The following GGACT variants were observed in gnomAD, a reference collection of about 807,000 sequenced individuals.
The protein encoded by GGACT is gamma-glutamylamine cyclotransferase.
For missense variants in GGACT, 241 were observed against 233.2 expected (o/e 1.03, Z -0.22); for synonymous variants, 118 against 115.3 (o/e 1.02, Z -0.15).
At chr13:100,539,805 T>C (rs2088532913) in intron 2 of GGACT, 1 of 700,440 alleles carries the variant, frequency 1.4e-6, no homozygotes, top group South Asian at 1.7e-5. Flanking sequence ...TGAAGCCATC[T>C]GGTCCTGGGC....
At position 100,572,615 on chromosome 13, in the gene GGACT, G is replaced by C. The variant is rs183183070; in HGVS notation, c.-11+11210C>G. 1.9e-4 allele frequency among the ~76,000 whole-genome samples: 29 copies of C among 152,288 alleles called. 1 individual carries two copies. The East Asian group carries it at 5.6e-3, about 29-fold the overall frequency. On this transcript the variant is annotated intron_variant, in intron 2 of 2. Coordinates refer to ENST00000683975, the MANE Select transcript of GGACT (RefSeq NM_001195087.2). Reference sequence around the variant, plus strand: ...ATGTTGCCCAGGCTGGGGTGCAGTGGCTATTCACAGGTGTGATCATAGTGC... The same window carrying C: ...ATGTTGCCCAGGCTGGGGTGCAGTGCCTATTCACAGGTGTGATCATAGTGC...
At chr13:100,554,968 C>T (rs571946973) in intron 2 of GGACT, among the ~76,000 whole-genome samples, 17 of 152,214 alleles carry the variant, frequency 1.1e-4, no homozygotes, top group African/African-American at 3.1e-4. Context: ...TGGAAAAATT[C>T]CTCAAAAGGT....
chr13:100,548,823 G>A lies in GGACT; in HGVS notation c.-10-16222C>T, dbSNP rs566371062. On this transcript the variant is annotated intron_variant, in intron 2 of 2. Coordinates refer to ENST00000683975, the MANE Select transcript of GGACT (RefSeq NM_001195087.2). Reference sequence around the variant, plus strand: ...GCCAAGCAAGGCAAAGCCACAACAGGGTGGGATAGACTGCAGGCACATCCA... The same window carrying A: ...GCCAAGCAAGGCAAAGCCACAACAGAGTGGGATAGACTGCAGGCACATCCA... Among the ~76,000 whole-genome samples, 11 of 152,378 alleles carry A rather than the reference G, an allele frequency of 7.2e-5. No individual in the cohort carries two copies. The South Asian group carries it at 2.3e-3, about 32-fold the overall frequency.
chr13:100,569,111 C>T (rs994111036), intron 2 of GGACT, among the ~76,000 whole-genome samples: 4 of 152,222 alleles, frequency 2.6e-5, no homozygotes, highest in Admixed American at 6.5e-5. Flanking sequence ...TTTCCAGGTG[C>T]ACGGTGCAAG....
At chr13:100,541,731 T>C (rs1372939545) in intron 2 of GGACT, 1 of 152,212 alleles carries the variant, frequency 6.6e-6, no homozygotes, top group African/African-American at 2.4e-5. Context: ...AGAAGGTTAA[T>C]TCCAACTCTG....
intron 2 of GGACT, among the ~76,000 whole-genome samples, chr13:100,560,578 C>A (rs769235056): frequency 1.8e-4 from 28 of 152,230 alleles, no homozygotes; most frequent in Non-Finnish European, 3.5e-4. Flanking sequence ...CCCTCCCAGG[C>A]CCTGAGGGCT....
chr13:100,577,187 C>T (rs140482382), intron 2 of GGACT, among the ~76,000 whole-genome samples: 87 of 152,032 alleles, frequency 5.7e-4, no homozygotes, highest in African/African-American at 1.7e-3. Flanking sequence ...AGGCTGAGGA[C>T]GGCGGATCAT....
intron 2 of GGACT, among the ~76,000 whole-genome samples, chr13:100,573,709 CAAAT>C (rs1224422073): frequency 6.6e-6 from 1 of 151,882 alleles, no homozygotes; most frequent in Non-Finnish European, 1.5e-5. Flanking sequence ...AAGCAAAAAA[CAAAT>C]AAACCCATTA....
intron 2 of GGACT, among the ~76,000 whole-genome samples, chr13:100,564,229 T>C (rs925121897): frequency 2.6e-5 from 4 of 152,208 alleles, no homozygotes; most frequent in South Asian, 4.1e-4. Context: ...GGGAAAATCA[T>C]TGATTGTGGG....
intron 2 of GGACT, among the ~76,000 whole-genome samples, chr13:100,540,633 A>G (rs1020658286): frequency 2.6e-5 from 4 of 152,096 alleles, no homozygotes; most frequent in Non-Finnish European, 4.4e-5. Flanking sequence ...TCTCTGCTCT[A>G]ATCATTACTG....
intron 2 of GGACT, among the ~76,000 whole-genome samples, chr13:100,564,023 C>G (rs559802454): frequency 6.6e-6 from 1 of 152,284 alleles, no homozygotes. Flanking sequence ...TGTGGCCACC[C>G]TGGGCTGGAC....
intron 2 of GGACT, among the ~76,000 whole-genome samples, chr13:100,562,660 G>C (rs1248273397): frequency 6.6e-6 from 1 of 152,108 alleles, no homozygotes; most frequent in Admixed American, 6.5e-5. Flanking sequence ...GCCAGGCATG[G>C]TGGTGCATGC....
At chr13:100,557,002 G>A (rs2088714559) in intron 2 of GGACT, among the ~76,000 whole-genome samples, 1 of 152,082 alleles carries the variant, frequency 6.6e-6, no homozygotes, top group African/African-American at 2.4e-5. Context: ...CGATTCTCAT[G>A]CCTCAGCCTC....
At chr13:100,557,859 CAAG>C (rs1459325598) in intron 2 of GGACT, among the ~76,000 whole-genome samples, 1 of 152,030 alleles carries the variant, frequency 6.6e-6, no homozygotes, top group East Asian at 1.9e-4. Flanking sequence ...TCTCACACCT[CAAG>C]AAGAAGAAAA....
intron 2 of GGACT, among the ~76,000 whole-genome samples, chr13:100,562,703 C>G (rs548779598): frequency 6.6e-6 from 1 of 150,794 alleles, no homozygotes; most frequent in Non-Finnish European, 1.5e-5. Context: ...GGCTGAGGCA[C>G]GAGAATCACT....
At chr13:100,556,951 G>A (rs1310281920) in intron 2 of GGACT, among the ~76,000 whole-genome samples, 1 of 152,090 alleles carries the variant, frequency 6.6e-6, no homozygotes, top group African/African-American at 2.4e-5. Flanking sequence ...TTGGCTCACT[G>A]CAATCTTGGC....
intron 2 of GGACT, among the ~76,000 whole-genome samples, chr13:100,577,649 G>A (rs1163997054): frequency 2.6e-5 from 4 of 152,080 alleles, no homozygotes; most frequent in African/African-American, 4.8e-5. Flanking sequence ...ACAAAGGGAG[G>A]AGGGCACGTG....
chr13:100,543,047 T>C (rs973670083), intron 2 of GGACT, among the ~76,000 whole-genome samples: 1 of 152,150 alleles, frequency 6.6e-6, no homozygotes, highest in African/African-American at 2.4e-5. Flanking sequence ...TTTAAGAGTT[T>C]ATGATGATAG....
At chr13:100,575,914 G>A (rs1875234692) in intron 2 of GGACT, among the ~76,000 whole-genome samples, 1 of 152,146 alleles carries the variant, frequency 6.6e-6, no homozygotes, top group East Asian at 1.9e-4. Context: ...AGCAAACATG[G>A]CACTACTAGT....
Sources: allele counts gnomAD v4.1 joint callset (sites outside exome capture counted in the v4.1 genomes callset), GRCh38; gene constraint gnomAD v4.1.1; transcripts MANE v1.5; gene names NCBI Gene and HGNC (gene_info 2026-07-23, HGNC 2026-07-21).